The following ESR1 variants were observed in gnomAD, a reference collection of about 807,000 sequenced individuals.
ESR1 encodes estrogen receptor.
In ESR1, 12 loss-of-function variants were observed where a neutral mutation model predicts 52.7. The ratio of observed to expected loss-of-function variants is 0.23; its 90% CI spans 0.15 to 0.37. The LOEUF is 0.37. Ranked by LOEUF, ESR1 falls within the 10% of genes least tolerant of loss-of-function variation. The pLI is 1.00. For synonymous variants in ESR1, 305 were observed against 316.8 expected, an observed-to-expected ratio of 0.96 and a Z score of 0.39; for missense variants, 584 against 779.7, an observed-to-expected ratio of 0.75 and a Z score of 2.99.
chr6:151,667,620 T>A (rs1212376656), intron 1 of ESR1, among the ~76,000 whole-genome samples: 5 of 152,202 alleles, frequency 3.3e-5, no homozygotes, highest in African/African-American at 1.2e-4. Context: ...TCATCCAAAC[T>A]GTGACTGCCT....
chr6:151,842,597 G>A lies in ESR1; in HGVS notation c.453G>A (p.Arg151=), dbSNP rs2128234163. The A allele has an allele frequency of 6.2e-7, 1 of 1,612,830 alleles. No individual in the cohort carries two copies. Among genetic ancestry groups the A allele is most frequent in the South Asian group, 1.1e-5 (1 of 90,906 alleles). The change falls in exon 2 of 8, where the codon AGG becomes AGA. Residue 151 remains arginine, a splice_region_variant and synonymous_variant. Transcript: ENST00000206249. ...VREAGPPAFY[R]PNSDNRRQGG... is the part of the protein sequence containing the mutation. ...GGATTTACTGTTTTTTTCCCCCCAG[G>A]CCAAATTCAGATAATCGACGCCAGG...
At chr6:151,700,490 A>G (rs1168505180) in intron 1 of ESR1, among the ~76,000 whole-genome samples, 3 of 152,130 alleles carry the variant, frequency 2.0e-5, no homozygotes, top group East Asian at 3.9e-4. Context: ...CACAACTACC[A>G]AAGTCTGAGG....
At chr6:151,693,623 C>G (rs1377098004) in intron 1 of ESR1, among the ~76,000 whole-genome samples, 1 of 152,038 alleles carries the variant, frequency 6.6e-6, no homozygotes, top group African/African-American at 2.4e-5. Flanking sequence ...GAGCTCTATG[C>G]TGATTTTTTT....
chr6:151,995,886 T>C (rs559312672), intron 4 of ESR1, among the ~76,000 whole-genome samples: 3 of 152,316 alleles, frequency 2.0e-5, no homozygotes, highest in African/African-American at 7.2e-5. Context: ...ATGAGGAAAG[T>C]GCTTTTTTGT....
chr6:151,692,663 G>T (rs1418013046), intron 1 of ESR1, among the ~76,000 whole-genome samples: 1 of 152,190 alleles, frequency 6.6e-6, no homozygotes, highest in Non-Finnish European at 1.5e-5. Context: ...CTAATGAAGT[G>T]CTATTTTGAA....
chr6:151,974,524 T>A (rs929131842), intron 4 of ESR1, among the ~76,000 whole-genome samples: 12 of 152,216 alleles, frequency 7.9e-5, no homozygotes, highest in Middle Eastern at 6.8e-3. Context: ...CAATCAGAAA[T>A]CTGGGTTCAC....
At chr6:152,018,838 GA>G (rs113074966) in intron 5 of ESR1, among the ~76,000 whole-genome samples, 10 of 147,340 alleles carry the variant, frequency 6.8e-5, no homozygotes, top group East Asian at 4.0e-4. Context: ...AGTAAAAAAA[GA>G]AAAAAAAAAG....
At chr6:152,074,296 C>T (rs1161620517) in intron 6 of ESR1, among the ~76,000 whole-genome samples, 1 of 152,200 alleles carries the variant, frequency 6.6e-6, no homozygotes, top group Non-Finnish European at 1.5e-5. Context: ...TTACTGTCTC[C>T]ACAGTTTTGC....
At chr6:152,086,368 A>T (rs1176708249) in intron 6 of ESR1, among the ~76,000 whole-genome samples, 2 of 149,918 alleles carry the variant, frequency 1.3e-5, no homozygotes, top group Non-Finnish European at 3.0e-5. Flanking sequence ...ATTTATTACA[A>T]AATGTATTTA....
At chr6:152,046,763 G>A (rs2046261454) in intron 5 of ESR1, among the ~76,000 whole-genome samples, 1 of 152,212 alleles carries the variant, frequency 6.6e-6, no homozygotes, top group Non-Finnish European at 1.5e-5. Context: ...CACAGGCCTT[G>A]TTTGTGAACT....
At chr6:151,889,291 T>TATCA in intron 3 of ESR1, among the ~76,000 whole-genome samples, 4 of 152,206 alleles carry the variant, frequency 2.6e-5, no homozygotes, top group African/African-American at 9.6e-5. Flanking sequence ...CATTAGGTCC[T>TATCA]GGGCTTTTCT....
intron 3 of ESR1, among the ~76,000 whole-genome samples, chr6:151,891,102 T>C (rs1043860987): frequency 2.6e-5 from 4 of 152,238 alleles, no homozygotes; most frequent in Non-Finnish European, 5.9e-5. Context: ...CTTATAGTTA[T>C]ACCAGGCTAT....
At chr6:151,809,872 T>G (rs1778524838) in intron 1 of ESR1, among the ~76,000 whole-genome samples, 1 of 152,002 alleles carries the variant, frequency 6.6e-6, no homozygotes, top group African/African-American at 2.4e-5. Flanking sequence ...TGCCCACCTT[T>G]TTTTTTTTAA....
intron 1 of ESR1, chr6:151,809,283 T>G: frequency 2.7e-6 from 1 of 366,388 alleles, no homozygotes; most frequent in Non-Finnish European, 5.9e-6. Flanking sequence ...TTGTGTGTCC[T>G]CATTTTAATT....
intron 2 of ESR1, among the ~76,000 whole-genome samples, chr6:151,720,107 T>G (rs1230466267): frequency 6.6e-6 from 1 of 152,248 alleles, no homozygotes; most frequent in African/African-American, 2.4e-5. Flanking sequence ...CTTTTTTTTG[T>G]CAGCCTAAGG....
chr6:152,016,766 G>A (rs1045997672), intron 5 of ESR1, among the ~76,000 whole-genome samples: 1 of 152,204 alleles, frequency 6.6e-6, no homozygotes, highest in Non-Finnish European at 1.5e-5. Context: ...TAAAAGCTAA[G>A]TGGTTGACAG....
intron 1 of ESR1, among the ~76,000 whole-genome samples, chr6:151,667,673 C>G (rs923460902): frequency 6.6e-6 from 1 of 152,140 alleles, no homozygotes; most frequent in African/African-American, 2.4e-5. Context: ...TAGGAGAGTG[C>G]AATGGATGGT....
At chr6:151,799,842 G>A (rs1383316414), upstream of ESR1, among the ~76,000 whole-genome samples, 2 of 152,168 alleles carry the variant, frequency 1.3e-5, no homozygotes, top group East Asian at 1.9e-4. Context: ...TTCAGGTAGG[G>A]TAATTTGCAT....
rs527443268 is a variant in ESR1 at position 151,795,706 on chromosome 6, A to G, written c.-70-12137A>G. On this transcript the variant is annotated intron_variant, in intron 2 of 2. Transcript: ENST00000404742. ...AAATTAACACCGCACATATTTACTC[A>G]TGTGCAAATTGACTTATGTACAAAT... 2.0e-5 allele frequency among the ~76,000 whole-genome samples: 3 copies of G among 152,222 alleles called. No individual in the cohort carries two copies. The East Asian group carries it at 5.8e-4, about 29-fold the overall frequency.
Sources: gnomAD v4.1 joint callset for allele counts (sites outside exome capture counted in the v4.1 genomes callset) on GRCh38, gnomAD v4.1.1 for gene constraint, MANE v1.5 for transcripts, NCBI Gene and HGNC (gene_info 2026-07-23, HGNC 2026-07-21) for gene names.